The following NEBL variants were observed in gnomAD, a reference collection of about 807,000 sequenced individuals.
The protein encoded by NEBL is LIM and SH3 protein 2.
In NEBL, 122 loss-of-function variants were observed where a neutral mutation model predicts 140.2. That is an observed-to-expected ratio of 0.87 (90% CI 0.75 to 1.01). The LOEUF is 1.01. Among genes scored for constraint, NEBL ranks in the 50% least tolerant of loss-of-function variants. NEBL has a pLI of 0.00. For synonymous variants in NEBL, 436 were observed against 398.9 expected, an observed-to-expected ratio of 1.09 and a Z score of -1.11; for missense variants, 1,365 against 1,231.3, an observed-to-expected ratio of 1.11 and a Z score of -1.62.
chr10:20,977,361 A>G (rs1836847416), intron 3 of NEBL, among the ~76,000 whole-genome samples: 1 of 152,234 alleles, frequency 6.6e-6, no homozygotes, highest in Non-Finnish European at 1.5e-5. Context: ...TGACTTGTCA[A>G]AATTGCTTTG....
At chr10:20,919,634 G>A (rs1362168925) in intron 4 of NEBL, among the ~76,000 whole-genome samples, 2 of 152,190 alleles carry the variant, frequency 1.3e-5, no homozygotes, top group East Asian at 1.9e-4. Context: ...AACAACACAG[G>A]AAAAGCATAT....
At chr10:20,968,293 C>T (rs773546781) in intron 3 of NEBL, among the ~76,000 whole-genome samples, 1 of 151,092 alleles carries the variant, frequency 6.6e-6, no homozygotes, top group Non-Finnish European at 1.5e-5. Flanking sequence ...TTGCTTGAGG[C>T]GTGGAGTTTG....
intron 5 of NEBL, among the ~76,000 whole-genome samples, chr10:20,872,976 C>G (rs547886428): frequency 6.6e-6 from 1 of 152,324 alleles, no homozygotes; most frequent in African/African-American, 2.4e-5. Flanking sequence ...TTTTACTTCT[C>G]TAGTGAACTT....
At chr10:21,230,442 A>G (rs959614220) in intron 3 of NEBL, among the ~76,000 whole-genome samples, 4 of 152,170 alleles carry the variant, frequency 2.6e-5, no homozygotes, top group Non-Finnish European at 5.9e-5. Context: ...CATGCTTCTG[A>G]GAATTCAACA....
chr10:21,164,035 C>T (rs1451123859), intron 2 of NEBL, among the ~76,000 whole-genome samples: 1 of 152,168 alleles, frequency 6.6e-6, no homozygotes, highest in East Asian at 1.9e-4. Context: ...CTAGGTTCGA[C>T]CAGAGAGGCC....
intron 2 of NEBL, among the ~76,000 whole-genome samples, chr10:21,066,379 T>A (rs981913028): frequency 6.6e-6 from 1 of 152,202 alleles, no homozygotes. Flanking sequence ...ATAAAGATGA[T>A]AGCAATTCGT....
chr10:20,861,954 A>G (rs1160896354), intron 7 of NEBL, among the ~76,000 whole-genome samples: 1 of 152,180 alleles, frequency 6.6e-6, no homozygotes, highest in African/African-American at 2.4e-5. Context: ...GGCCTACCTT[A>G]AACATGCTCA....
chr10:20,911,964 A>G (rs941749399), intron 4 of NEBL, among the ~76,000 whole-genome samples: 6 of 152,252 alleles, frequency 3.9e-5, no homozygotes, highest in Non-Finnish European at 5.9e-5. Context: ...TCAATATAAG[A>G]AAAATAAGTT....
chr10:20,868,074 T>C (rs1005895372), intron 7 of NEBL: 2 of 149,384 alleles, frequency 1.3e-5, no homozygotes, highest in Non-Finnish European at 3.0e-5. Flanking sequence ...AAAACGCTGT[T>C]GGAGTCTAAC....
intron 3 of NEBL, among the ~76,000 whole-genome samples, chr10:20,991,688 T>G (rs1837460457): frequency 6.6e-6 from 1 of 152,130 alleles, no homozygotes; most frequent in African/African-American, 2.4e-5. Context: ...TGCAGAGGTT[T>G]GGGCTTTTAA....
chr10:21,117,482 G>T (rs533211430), intron 2 of NEBL, among the ~76,000 whole-genome samples: 1 of 152,096 alleles, frequency 6.6e-6, no homozygotes, highest in African/African-American at 2.4e-5. Context: ...GTAATTCCTG[G>T]GCTCTGTTAT....
At chr10:21,291,997 C>A (rs1270987486) in intron 1 of NEBL, among the ~76,000 whole-genome samples, 1 of 143,406 alleles carries the variant, frequency 7.0e-6, no homozygotes, top group African/African-American at 2.7e-5. Context: ...GTTTAATGCC[C>A]AGACTTGGTT....
chr10:21,130,844 C>T (rs1193263725), intron 2 of NEBL, among the ~76,000 whole-genome samples: 1 of 151,074 alleles, frequency 6.6e-6, no homozygotes, highest in African/African-American at 2.4e-5. Context: ...AAAAGAAGAG[C>T]CAATTAAATA....
At chr10:21,055,586 A>G (rs1206663816) in intron 2 of NEBL, among the ~76,000 whole-genome samples, 2 of 152,152 alleles carry the variant, frequency 1.3e-5, no homozygotes, top group African/African-American at 4.8e-5. Context: ...CCACTTGGGG[A>G]TGTTATTTAA....
At chr10:21,142,225 A>G (rs1416095862) in intron 2 of NEBL, among the ~76,000 whole-genome samples, 1 of 152,162 alleles carries the variant, frequency 6.6e-6, no homozygotes, top group East Asian at 1.9e-4. Flanking sequence ...CTCAGAGACC[A>G]TGACCACATG....
intron 3 of NEBL, among the ~76,000 whole-genome samples, chr10:20,966,182 C>T (rs1413095670): frequency 6.6e-6 from 1 of 152,158 alleles, no homozygotes; most frequent in Admixed American, 6.5e-5. Flanking sequence ...CTATATATGT[C>T]ATATGTGTTG....
At position 21,155,805 on chromosome 10, in the gene NEBL, G is replaced by A. The variant is rs142897488; in HGVS notation, c.164+16578C>T. Among the ~76,000 whole-genome samples the A allele has an allele frequency of 1.8e-4, 27 of 152,318 alleles. No homozygotes were observed. In the East Asian group the frequency reaches 4.1e-3, roughly 23 times the overall value. On this transcript the variant is annotated intron_variant, in intron 2 of 6. Coordinates refer to the NEBL transcript ENST00000417816. ...GAAAAGCACTATCACATGGTCATTCGTGTTTCCACTTATTGAGCTGTGCCC... is the reference window on the plus strand; with the variant it reads ...GAAAAGCACTATCACATGGTCATTCATGTTTCCACTTATTGAGCTGTGCCC...
intron 3 of NEBL, among the ~76,000 whole-genome samples, chr10:20,981,502 A>T (rs1837040072): frequency 6.6e-6 from 1 of 152,220 alleles, no homozygotes; most frequent in African/African-American, 2.4e-5. Context: ...TTCCTTGAGC[A>T]GTCAGCAACC....
chr10:20,966,697 C>T (rs1335512457), intron 3 of NEBL, among the ~76,000 whole-genome samples: 1 of 152,106 alleles, frequency 6.6e-6, no homozygotes, highest in Non-Finnish European at 1.5e-5. Context: ...AGGAAGACTT[C>T]TGAAAAACAA....
Sources: gnomAD v4.1 joint callset for allele counts (sites outside exome capture counted in the v4.1 genomes callset) on GRCh38, gnomAD v4.1.1 for gene constraint, MANE v1.5 for transcripts, NCBI Gene and HGNC (gene_info 2026-07-23, HGNC 2026-07-21) for gene names.